HACD2: variants seen among roughly 807,000 people sequenced by gnomAD.
HACD2 encodes the protein very-long-chain (3R)-3-hydroxyacyl-CoA dehydratase 2.
A neutral mutation model predicts 31.0 loss-of-function variants in HACD2; 15 were observed. The ratio of observed to expected loss-of-function variants is 0.48; its 90% CI spans 0.32 to 0.75. The LOEUF is 0.75. Ranked by LOEUF, HACD2 falls within the 30% of genes least tolerant of loss-of-function variation. The probability of loss-of-function intolerance (pLI) is 0.03; values close to 1 mark genes in which losing one functional copy is unlikely to be tolerated. For synonymous variants in HACD2, 115 were observed against 122.2 expected (o/e 0.94, Z 0.39); for missense variants, 283 against 313.0 (o/e 0.90, Z 0.72).
chr3:123,506,430 T>C (rs2055976330), intron 4 of HACD2, among the ~76,000 whole-genome samples: 2 of 152,180 alleles, frequency 1.3e-5, no homozygotes, highest in African/African-American at 2.4e-5. Flanking sequence ...CTTTTTTTCT[T>C]GAGACTGGGT....
At chr3:123,516,485 C>T (rs1453950701) in intron 4 of HACD2, among the ~76,000 whole-genome samples, 10 of 151,592 alleles carry the variant, frequency 6.6e-5, no homozygotes, top group Non-Finnish European at 1.2e-4. Context: ...CCGCCCACCT[C>T]GGCCTCCCAA....
chr3:123,582,363 TAAA>T, intron 1 of HACD2, 34 bp from the exon 2 acceptor site: 1 of 1,430,582 alleles, frequency 7.0e-7, no homozygotes, highest in South Asian at 1.3e-5. Context: ...CAGGAAAAAA[TAAA>T]AATAAAAAAA....
intron 6 of HACD2, among the ~76,000 whole-genome samples, chr3:123,495,512 G>C (rs1269074817): frequency 6.6e-6 from 1 of 151,828 alleles, no homozygotes. Flanking sequence ...ACCTCTCTTG[G>C]GAAGTAGTTT....
intron 3 of HACD2, among the ~76,000 whole-genome samples, chr3:123,558,374 C>T (rs148338441): frequency 8.0e-4 from 122 of 152,170 alleles, no homozygotes; most frequent in African/African-American, 2.6e-3. Flanking sequence ...CCAAACCCAA[C>T]GATTGTACAA....
chr3:123,527,935 G>T (rs1043910931), intron 4 of HACD2, among the ~76,000 whole-genome samples: 3 of 152,196 alleles, frequency 2.0e-5, no homozygotes, highest in Non-Finnish European at 4.4e-5. Flanking sequence ...TATTCCCCTT[G>T]GATAAGAGGG....
intron 4 of HACD2, among the ~76,000 whole-genome samples, chr3:123,510,931 T>TG (rs1390283785): frequency 1.7e-4 from 2 of 12,086 alleles, no homozygotes; most frequent in Non-Finnish European, 3.3e-4. Context: ...TCATTTGCTG[T>TG]GTTTTTTTTT....
chr3:123,512,644 A>C (rs941293451), intron 4 of HACD2, among the ~76,000 whole-genome samples: 2 of 152,182 alleles, frequency 1.3e-5, no homozygotes, highest in African/African-American at 2.4e-5. Context: ...CAAACTGAGC[A>C]AAAAAATCAA....
chr3:123,536,096 T>C (rs1168993138), intron 3 of HACD2, among the ~76,000 whole-genome samples: 1 of 152,242 alleles, frequency 6.6e-6, no homozygotes, highest in African/African-American at 2.4e-5. Flanking sequence ...CACATTCTTC[T>C]ATACCTTGCT....
intron 2 of HACD2, among the ~76,000 whole-genome samples, chr3:123,570,824 G>T (rs2056846515): frequency 6.6e-6 from 1 of 151,960 alleles, no homozygotes; most frequent in Non-Finnish European, 1.5e-5. Flanking sequence ...AGGCAATAAA[G>T]CCATTGTTTA....
chr3:123,520,862 A>G (rs987052919), intron 4 of HACD2, among the ~76,000 whole-genome samples: 4 of 152,242 alleles, frequency 2.6e-5, no homozygotes, highest in African/African-American at 9.6e-5. Flanking sequence ...AACTAAAGTT[A>G]AAACCACACA....
chr3:123,564,259 G>A (rs1386837034), intron 3 of HACD2, among the ~76,000 whole-genome samples: 1 of 152,234 alleles, frequency 6.6e-6, no homozygotes, highest in Non-Finnish European at 1.5e-5. Context: ...TGGGATGCAG[G>A]TGTGGCTTGG....
chr3:123,542,165 A>G (rs796897337), intron 3 of HACD2, among the ~76,000 whole-genome samples: 3 of 148,374 alleles, frequency 2.0e-5, no homozygotes, highest in African/African-American at 7.6e-5. Context: ...AAAAAAAAAA[A>G]AAAAAAGAAT....
At chr3:123,562,404 G>A (rs2056742646) in intron 3 of HACD2, among the ~76,000 whole-genome samples, 1 of 151,954 alleles carries the variant, frequency 6.6e-6, no homozygotes, top group African/African-American at 2.4e-5. Context: ...AAGAATGAAG[G>A]GCCCTGAAGT....
intron 3 of HACD2, among the ~76,000 whole-genome samples, chr3:123,545,834 C>T (rs988171203): frequency 4.0e-5 from 6 of 151,606 alleles, no homozygotes; most frequent in Non-Finnish European, 5.9e-5. Flanking sequence ...GCCTCAGACT[C>T]CTGAGTAGCT....
chr3:123,535,992 A>T (rs961493037), intron 3 of HACD2, among the ~76,000 whole-genome samples: 6 of 152,214 alleles, frequency 3.9e-5, no homozygotes, highest in African/African-American at 1.2e-4. Flanking sequence ...GCATTCAGAG[A>T]TAAAGTATAT....
chr3:123,534,029 AGTGTGT>A (rs62840760), intron 3 of HACD2, among the ~76,000 whole-genome samples: 2 of 149,858 alleles, frequency 1.3e-5, no homozygotes, highest in Non-Finnish European at 3.0e-5. Flanking sequence ...AACATAGTGG[AGTGTGT>A]GTGTGTGTGT....
At position 123,575,019 on chromosome 3, in the gene HACD2, C is replaced by A. The variant is rs530336751; in HGVS notation, c.273+7193G>T. 2.0e-5 allele frequency among the ~76,000 whole-genome samples: 3 copies of A among 152,270 alleles called. No individual in the cohort carries two copies. In the East Asian group the frequency reaches 5.8e-4, roughly 29 times the overall value. ...TCTTATGGGATTCCACATGATCACACTGCATTCTGTACCGTGGTCTAAAGG... is the reference window on the plus strand; with the variant it reads ...TCTTATGGGATTCCACATGATCACAATGCATTCTGTACCGTGGTCTAAAGG... On this transcript the variant is annotated intron_variant, in intron 2 of 6. Transcript: ENST00000383657.
chr3:123,529,922 A>AT (rs1035046615), intron 3 of HACD2, among the ~76,000 whole-genome samples: 3 of 152,176 alleles, frequency 2.0e-5, no homozygotes, highest in Non-Finnish European at 2.9e-5. Context: ...TTTAAAAAAA[A>AT]AAATATATTG....
At chr3:123,522,834 C>G (rs539480989) in intron 4 of HACD2, among the ~76,000 whole-genome samples, 3 of 152,278 alleles carry the variant, frequency 2.0e-5, no homozygotes, top group Admixed American at 6.5e-5. Context: ...ATGGCCTCTG[C>G]TAACTGAGCT....
Sources: gnomAD v4.1 joint callset for allele counts (sites outside exome capture counted in the v4.1 genomes callset) on GRCh38, gnomAD v4.1.1 for gene constraint, MANE v1.5 for transcripts, NCBI Gene and HGNC (gene_info 2026-07-23, HGNC 2026-07-21) for gene names.